Variants in SLC6A3 observed in about 807,000 individuals in gnomAD.
SLC6A3 encodes solute carrier family 6 member 3.
A neutral mutation model predicts 70.4 loss-of-function variants in SLC6A3; 19 were observed. The ratio of observed to expected loss-of-function variants is 0.27; its 90% CI spans 0.19 to 0.40. SLC6A3 has a LOEUF of 0.40. Among genes scored for constraint, SLC6A3 ranks in the 10% least tolerant of loss-of-function variants. SLC6A3 has a pLI of 1.00. For missense variants in SLC6A3, 613 were observed against 838.5 expected (o/e 0.73, Z 3.32); for synonymous variants, 368 against 356.6 (o/e 1.03, Z -0.36).
Position 1,420,710 on chromosome 5 carries a change from G to T in SLC6A3, c.793-7C>A. On this transcript the variant is annotated splice_region_variant and splice_polypyrimidine_tract_variant and intron_variant, in intron 5 of 14. Coordinates refer to ENST00000270349, the MANE Select transcript of SLC6A3 (RefSeq NM_001044.5). ...TGGCTGTGATCCATACCACCTGCAGGAGAGGACAGTGTCACCAGGCTGCAC... is the reference window on the plus strand; with the variant it reads ...TGGCTGTGATCCATACCACCTGCAGTAGAGGACAGTGTCACCAGGCTGCAC... 1 of 1,613,028 alleles carries T rather than the reference G, an allele frequency of 6.2e-7. No homozygotes were observed. Among genetic ancestry groups the T allele is most frequent in the Non-Finnish European group, 8.5e-7 (1 of 1,179,890 alleles).
chr5:1,426,916 A>G (rs1226811295), intron 4 of SLC6A3, among the ~76,000 whole-genome samples: 1 of 152,256 alleles, frequency 6.6e-6, no homozygotes, highest in African/African-American at 2.4e-5. Flanking sequence ...TGTGCACTGA[A>G]AAATGGCTAA....
chr5:1,414,038 C>T (rs1023811482), intron 8 of SLC6A3, among the ~76,000 whole-genome samples: 1 of 152,232 alleles, frequency 6.6e-6, no homozygotes, highest in African/African-American at 2.4e-5. Context: ...CACTCAGCGT[C>T]ATGCGTCGGC....
In SLC6A3 at chr5:1,442,728, G is replaced by A. The variant is rs568766511; in HGVS notation, c.286+184C>T. 2.6e-5 allele frequency among the ~76,000 whole-genome samples: 4 copies of A among 151,776 alleles called. No homozygotes were observed. The highest frequency in any genetic ancestry group is 4.4e-5 in the Non-Finnish European group (3 of 67,992). ...TGCAGGCGTGGGACAAGGCAGCTCC[G>A]AGTCCTGCTCAATGGTTTTGTGACA... On this transcript the variant is annotated intron_variant, in intron 2 of 14. Transcript: ENST00000270349. The surrounding 1 kb of genome is among the most constrained non-coding windows in gnomAD (Gnocchi z 5.0).
At position 1,436,873 on chromosome 5, in the gene SLC6A3, G is replaced by T. The variant is rs1459524903; in HGVS notation, c.419-4175C>A. ...GGCTTCAGGAGAGGGTGTTGTCAAC[G>T]CATGCACGGATCCCGCTGGAGGAAG... On this transcript the variant is annotated intron_variant, in intron 3 of 14. Transcript: ENST00000270349. The surrounding 1 kb of genome is among the most constrained non-coding windows in gnomAD (Gnocchi z 5.2). Among the ~76,000 whole-genome samples the T allele has an allele frequency of 6.6e-6, 1 of 152,142 alleles. No individual in the cohort carries two copies. The highest frequency in any genetic ancestry group is 1.5e-5 in the Non-Finnish European group (1 of 68,018).
chr5:1,422,091 G>A, intron 4 of SLC6A3, 77 bp from the exon 5 acceptor site: 8 of 1,464,508 alleles, frequency 5.5e-6, no homozygotes, highest in Non-Finnish European at 7.5e-6. Context: ...GCTTGTCCGG[G>A]GACCTGCCCT....
In SLC6A3 at chr5:1,414,148, G is replaced by T. The variant is rs556637690; in HGVS notation, c.1156+543C>A. On this transcript the variant is annotated intron_variant, in intron 8 of 14. Transcript: ENST00000270349. ...TTGCGGCATCCCAGCCTGCCTCCAG[G>T]TGTTGCTGGAACAGCTCATTCCTCC... Among the ~76,000 whole-genome samples the T allele has an allele frequency of 1.2e-3, 179 of 152,216 alleles. 1 individual carries two copies. The highest frequency in any genetic ancestry group is 2.4e-3 in the Non-Finnish European group (161 of 67,996).
At chr5:1,422,237 C>A (rs1756453445) in intron 4 of SLC6A3, among the ~76,000 whole-genome samples, 1 of 152,244 alleles carries the variant, frequency 6.6e-6, no homozygotes, top group African/African-American at 2.4e-5. Flanking sequence ...GCCCAGGAAG[C>A]CCTGCCTCAC....
In SLC6A3 at chr5:1,414,682, G is replaced by C. The variant is rs921062478; in HGVS notation, c.1156+9C>G. ...CGGAGCAGGCCCAGGTGCAGCAGGA[G>C]GGGCTCACCGTCCTTGGCCACGTCC... On this transcript the variant is annotated intron_variant, in intron 8 of 14. Coordinates refer to ENST00000270349, the MANE Select transcript of SLC6A3 (RefSeq NM_001044.5). The C allele has an allele frequency of 6.2e-7, 1 of 1,611,978 alleles. No homozygotes were observed. Among genetic ancestry groups the C allele is most frequent in the Non-Finnish European group, 8.5e-7 (1 of 1,179,624 alleles).
Position 1,438,582 on chromosome 5 carries a change from G to A in SLC6A3, c.418+2777C>T, listed in dbSNP as rs977935528. On this transcript the variant is annotated intron_variant, in intron 3 of 14. Transcript: ENST00000270349. This position sits in a 1 kb window ranked among gnomAD's most constrained non-coding sequence, Gnocchi z 6.5. ...GGACTACACCATGAAGACCCACAAC[G>A]GCAGCTTTGTTGGTGAACATCCTTT... is the stretch of plus-strand genomic sequence containing the variant. Among the ~76,000 whole-genome samples, 12 of 152,192 alleles carry A rather than the reference G, an allele frequency of 7.9e-5. No individual in the cohort carries two copies. The highest frequency in any genetic ancestry group is 2.4e-4 in the African/African-American group (10 of 41,448).
Position 1,443,048 on chromosome 5 carries a change from C to A in SLC6A3, c.150G>T (p.Pro50=), listed in dbSNP as rs6346. Residue 50 remains proline (P), a synonymous_variant, in exon 2 of 15, where the codon CCG becomes CCT. Coordinates refer to ENST00000270349, the MANE Select transcript of SLC6A3 (RefSeq NM_001044.5). Reference sequence around the variant, plus strand: ...CCTGGGCCTCCACGGGGCTCTGCCGCGGGTTGGTGAGGGTGGAGCTGGTGA... The same window carrying A: ...CCTGGGCCTCCACGGGGCTCTGCCGAGGGTTGGTGAGGGTGGAGCTGGTGA... ...VQLTSSTLTN[P]RQSPVEAQDR... is the part of the protein sequence containing the mutation. 7.8e-3 allele frequency: 12,570 copies of A among 1,614,162 alleles called. 842 individuals are homozygous for A. The African/African-American group carries it at 0.15, about 19-fold the overall frequency.
chr5:1,403,744 A>G (rs1162206205), intron 12 of SLC6A3, among the ~76,000 whole-genome samples: 5 of 152,100 alleles, frequency 3.3e-5, no homozygotes, highest in Non-Finnish European at 5.9e-5. Flanking sequence ...CAAATCTGAT[A>G]AAGTCACAGA....
chr5:1,432,686 G>T lies in SLC6A3; in HGVS notation c.431C>A (p.Thr144Lys). Residue 144 changes from threonine (T) to lysine (K), a missense_variant, in exon 4 of 15, where the codon ACG (threonine) becomes AAG (lysine). By Grantham distance (78) the Thr-to-Lys change is moderately conservative. Coordinates refer to ENST00000270349, the MANE Select transcript of SLC6A3 (RefSeq NM_001044.5). ...GACATACAGTGAGATGAGGATGACC[G>T]TGAAGCCCACACCTAGCGGGAAGGG... ...ICPILKGVGF[T>K]VILISLYVGF... is the part of the protein sequence containing the mutation. 3 of 1,613,762 alleles carry T rather than the reference G, an allele frequency of 1.9e-6. No individual in the cohort carries two copies. Among genetic ancestry groups the T allele is most frequent in the Non-Finnish European group, 2.5e-6 (3 of 1,179,698 alleles).
chr5:1,441,268 G>A (rs1270364637), intron 3 of SLC6A3, 91 bp downstream of exon 3: 1 of 1,503,996 alleles, frequency 6.6e-7, no homozygotes, highest in Non-Finnish European at 9.2e-7. Context: ...AGGGCTGGAT[G>A]CCCATGATGC....
chr5:1,394,832 G>A lies in SLC6A3; in HGVS notation c.1840-74C>T. 1.3e-6 allele frequency: 2 copies of A among 1,513,790 alleles called. No individual in the cohort carries two copies. The highest frequency in any genetic ancestry group is 1.8e-6 in the Non-Finnish European group (2 of 1,089,420). The allele number at this position is 1,513,790 out of a possible 1,614,324, so 93.8% of individuals were successfully genotyped here. ...TAAGAGCAGCTGAAGGTGGCTAAGA[G>A]CAGCTGAAGGCAGTGAGCAGACAGT... On this transcript the variant is annotated intron_variant, in intron 14 of 14. Transcript: ENST00000270349. This position sits in a 1 kb window ranked among gnomAD's most constrained non-coding sequence, Gnocchi z 4.7.
intron 4 of SLC6A3, among the ~76,000 whole-genome samples, chr5:1,428,670 C>T (rs1464187621): frequency 6.6e-6 from 1 of 152,186 alleles, no homozygotes; most frequent in Non-Finnish European, 1.5e-5. Context: ...GGGGTGCCAG[C>T]AACTCCCACA....
rs527873503 is a variant in SLC6A3 at position 1,395,552 on chromosome 5, G to A, written c.1840-794C>T. On this transcript the variant is annotated intron_variant, in intron 14 of 14. Transcript: ENST00000270349. The stretch of plus-strand genomic sequence containing the variant: ...AGCCTGCAGGGACCTCCTCAGCCAG[G>A]GTGGGATCACACTGCAGGCCAGGGG... 7.2e-5 allele frequency among the ~76,000 whole-genome samples: 11 copies of A among 152,288 alleles called. No individual in the cohort carries two copies. The East Asian group carries it at 1.9e-3, about 27-fold the overall frequency.
intron 4 of SLC6A3, among the ~76,000 whole-genome samples, chr5:1,425,448 C>G (rs1756555962): frequency 6.6e-6 from 1 of 152,210 alleles, no homozygotes; most frequent in Non-Finnish European, 1.5e-5. Context: ...TAAAAAATTA[C>G]TAGACATGAC....
chr5:1,416,381 G>T (rs780546982), intron 6 of SLC6A3, 180 bp from the exon 7 acceptor site: 2 of 650,044 alleles, frequency 3.1e-6, no homozygotes, highest in Non-Finnish European at 5.6e-6. Flanking sequence ...GAACCCTCCC[G>T]GGCCAGCGGC....
chr5:1,424,761 G>A (rs900276854), intron 4 of SLC6A3, among the ~76,000 whole-genome samples: 4 of 152,334 alleles, frequency 2.6e-5, no homozygotes, highest in South Asian at 2.1e-4. Flanking sequence ...AACTTCAGAC[G>A]CAGCACCTTG....
Sources: gnomAD v4.1 joint callset for allele counts (sites outside exome capture counted in the v4.1 genomes callset) on GRCh38, gnomAD v4.1.1 for gene constraint, Gnocchi (gnomAD v3.1) non-coding constraint, MANE v1.5 for transcripts, NCBI Gene and HGNC (gene_info 2026-07-23, HGNC 2026-07-21) for gene names.